The following MAST4 variants were observed in gnomAD, a reference collection of about 807,000 sequenced individuals.
The protein encoded by MAST4 is microtubule-associated serine/threonine-protein kinase 4.
A neutral mutation model predicts 162.7 loss-of-function variants in MAST4; 89 were observed. The observed-to-expected ratio is 0.55, with a 90% CI of 0.46 to 0.65. The LOEUF (loss-of-function observed/expected upper bound fraction) is 0.65. MAST4 is among the 30% of genes least tolerant of loss of function. MAST4 has a pLI of 0.00. For synonymous variants in MAST4, 1,479 were observed against 1,361.1 expected, an observed-to-expected ratio of 1.09 and a Z score of -1.91; for missense variants, 3,153 against 3,374.0, an observed-to-expected ratio of 0.93 and a Z score of 1.62.
intron 1 of MAST4, among the ~76,000 whole-genome samples, chr5:66,645,246 G>T (rs560133341): frequency 1.6e-4 from 25 of 152,278 alleles, no homozygotes; most frequent in African/African-American, 6.0e-4. Context: ...TCATTTTTCT[G>T]AGTCATTGGA....
chr5:66,623,066 C>T (rs957707939), intron 1 of MAST4: 3 of 152,078 alleles, frequency 2.0e-5, no homozygotes, highest in African/African-American at 7.2e-5. Context: ...TGAAGATGAC[C>T]CAGATCCTTT....
At chr5:66,827,992 AT>A (rs1369567215) in intron 3 of MAST4, among the ~76,000 whole-genome samples, 2 of 152,178 alleles carry the variant, frequency 1.3e-5, no homozygotes, top group Non-Finnish European at 2.9e-5. Flanking sequence ...AGACTGTGAA[AT>A]TGCACGATGG....
intron 7 of MAST4, among the ~76,000 whole-genome samples, chr5:67,098,468 A>T (rs1764683456): frequency 6.6e-6 from 1 of 152,204 alleles, no homozygotes; most frequent in Admixed American, 6.6e-5. Context: ...GTTTCTTACC[A>T]GATAAATTAT....
chr5:66,898,307 A>G (rs1232835578), intron 3 of MAST4, among the ~76,000 whole-genome samples: 2 of 152,198 alleles, frequency 1.3e-5, no homozygotes, highest in Non-Finnish European at 2.9e-5. Flanking sequence ...TTAAAAAATA[A>G]AAGATACAGT....
intron 26 of MAST4, among the ~76,000 whole-genome samples, chr5:67,156,533 G>A (rs977142373): frequency 2.6e-5 from 4 of 152,310 alleles, no homozygotes; most frequent in East Asian, 1.9e-4. Flanking sequence ...CAGGAATGGC[G>A]TCAAAGAATT....
chr5:66,989,770 T>C (rs544023730), intron 4 of MAST4, among the ~76,000 whole-genome samples: 4 of 152,372 alleles, frequency 2.6e-5, no homozygotes, highest in African/African-American at 9.6e-5. Flanking sequence ...ATGGTAGTTT[T>C]ATTTAGTAAA....
chr5:67,116,184 G>T (rs960120040), intron 12 of MAST4, among the ~76,000 whole-genome samples: 1 of 145,484 alleles, frequency 6.9e-6, no homozygotes, highest in African/African-American at 2.8e-5. Context: ...GGCTAGTTTT[G>T]TTTGTTTGTT....
At chr5:66,833,479 C>T (rs1168164785) in intron 3 of MAST4, among the ~76,000 whole-genome samples, 1 of 152,158 alleles carries the variant, frequency 6.6e-6, no homozygotes, top group East Asian at 1.9e-4. Flanking sequence ...TCCTGATCTA[C>T]TCCAGGGTAG....
At chr5:66,766,751 T>TA (rs1443110131) in intron 2 of MAST4, among the ~76,000 whole-genome samples, 4 of 152,212 alleles carry the variant, frequency 2.6e-5, no homozygotes, top group Non-Finnish European at 1.5e-5. Context: ...CACACTTAAA[T>TA]ACAACTTAAA....
At chr5:67,075,047 TAGTC>T (rs992356021) in intron 5 of MAST4, among the ~76,000 whole-genome samples, 10 of 152,142 alleles carry the variant, frequency 6.6e-5, no homozygotes, top group East Asian at 1.9e-4. Context: ...AATTTGTCCT[TAGTC>T]AGCCCCATGG....
At chr5:66,850,772 G>C (rs1291333404) in intron 3 of MAST4, among the ~76,000 whole-genome samples, 2 of 151,958 alleles carry the variant, frequency 1.3e-5, no homozygotes, top group African/African-American at 4.8e-5. Flanking sequence ...TTTGGAGAAG[G>C]ATTACTTAAC....
intron 4 of MAST4, among the ~76,000 whole-genome samples, chr5:66,950,089 C>T (rs544447207): frequency 7.9e-5 from 12 of 152,134 alleles, no homozygotes; most frequent in Admixed American, 7.2e-4. Context: ...TTTGAAAATC[C>T]TGCCACTACC....
chr5:66,889,322 A>G (rs896839545), intron 3 of MAST4, among the ~76,000 whole-genome samples: 1 of 152,190 alleles, frequency 6.6e-6, no homozygotes, highest in African/African-American at 2.4e-5. Flanking sequence ...TGATACGCAT[A>G]TTTATCAAGA....
At chr5:66,930,185 GC>G (rs1742029802) in intron 4 of MAST4, among the ~76,000 whole-genome samples, 1 of 152,276 alleles carries the variant, frequency 6.6e-6, no homozygotes, top group Admixed American at 6.5e-5. Flanking sequence ...CTGAAACTGT[GC>G]CCCCTTTAGC....
chr5:66,905,965 A>T (rs1486776515), intron 4 of MAST4, among the ~76,000 whole-genome samples: 1 of 152,208 alleles, frequency 6.6e-6, no homozygotes, highest in African/African-American at 2.4e-5. Flanking sequence ...TGAATCAGGA[A>T]AAGTCCTGGA....
intron 1 of MAST4, among the ~76,000 whole-genome samples, chr5:66,677,345 C>G (rs1748014494): frequency 6.6e-6 from 1 of 152,184 alleles, no homozygotes. Flanking sequence ...GGTGCCTGGA[C>G]TAATTTCATT....
intron 5 of MAST4, among the ~76,000 whole-genome samples, chr5:67,087,064 C>A (rs565469147): frequency 1.3e-5 from 2 of 152,084 alleles, no homozygotes; most frequent in Admixed American, 1.3e-4. Context: ...CTTATAATTC[C>A]TCCCTAAGGA....
intron 4 of MAST4, among the ~76,000 whole-genome samples, chr5:66,994,288 T>A (rs1350684652): frequency 6.6e-6 from 1 of 152,208 alleles, no homozygotes; most frequent in Non-Finnish European, 1.5e-5. Flanking sequence ...TTTTCCAATT[T>A]TCCAATCTGG....
intron 4 of MAST4, among the ~76,000 whole-genome samples, chr5:67,011,790 G>A (rs1752704931): frequency 6.6e-6 from 1 of 152,186 alleles, no homozygotes; most frequent in Non-Finnish European, 1.5e-5. Flanking sequence ...GAAACTTACA[G>A]TAGGAGATCA....
Sources: gnomAD v4.1 joint callset for allele counts (sites outside exome capture counted in the v4.1 genomes callset) on GRCh38, gnomAD v4.1.1 for gene constraint, MANE v1.5 for transcripts, NCBI Gene and HGNC (gene_info 2026-07-23, HGNC 2026-07-21) for gene names.